The following SPATA22 variants were observed in gnomAD, a reference collection of about 807,000 sequenced individuals.
SPATA22 encodes the protein spermatogenesis associated 22, also known as spermatogenesis-associated protein 22.
A neutral mutation model predicts 47.8 loss-of-function variants in SPATA22; 29 were observed. That is an observed-to-expected ratio of 0.61 (90% confidence interval 0.45 to 0.83). The LOEUF is 0.83. SPATA22 is among the 40% of genes least tolerant of loss of function. The pLI is 0.00. For synonymous variants in SPATA22, 133 were observed against 140.9 expected, an observed-to-expected ratio of 0.94 and a Z score of 0.40; for missense variants, 410 against 421.7, an observed-to-expected ratio of 0.97 and a Z score of 0.24.
In SPATA22 at chr17:3,467,734, T is replaced by C. The variant is rs567376695; in HGVS notation, c.44-180A>G. On this transcript the variant is annotated intron_variant, in intron 2 of 8. Coordinates refer to ENST00000572969, the MANE Select transcript of SPATA22 (RefSeq NM_001170698.2). The stretch of plus-strand genomic sequence containing the variant: ...CTTTTTAAGATCCTGAATAGCCTAA[T>C]TTGTTTCTTCAAAAAACTTTTCTTA... Among the ~76,000 whole-genome samples the C allele has an allele frequency of 3.7e-4, 57 of 152,374 alleles. 2 individuals are homozygous for C. The South Asian group carries it at 0.012, about 32-fold the overall frequency.
At chr17:3,470,908 A>G (rs2073417475) in intron 1 of SPATA22, among the ~76,000 whole-genome samples, 1 of 152,142 alleles carries the variant, frequency 6.6e-6, no homozygotes, top group Non-Finnish European at 1.5e-5. Flanking sequence ...TGATCCCAGC[A>G]CTTCGGGAGG....
exon 1 of SPATA22, chr17:3,513,812 A>G: frequency 1.0e-6 from 1 of 965,344 alleles, no homozygotes; most frequent in East Asian, 2.4e-5. Context: ...CTTCTAGGCC[A>G]GCAGAGCCGG....
intron 1 of SPATA22, among the ~76,000 whole-genome samples, chr17:3,491,720 C>A (rs555374514): frequency 6.0e-4 from 91 of 151,986 alleles, no homozygotes; most frequent in African/African-American, 2.1e-3. Context: ...TGCACTCCAG[C>A]CTCGGTGACA....
rs867074863 is a variant in SPATA22, at chr17:3,464,912, G to A, written c.173-2145C>T. On this transcript the variant is annotated intron_variant, in intron 3 of 8. Coordinates refer to ENST00000572969, the MANE Select transcript of SPATA22 (RefSeq NM_001170698.2). The stretch of plus-strand genomic sequence containing the variant: ...GTGGGGGGGGGTCAGCCCCCCACCC[G>A]GCCAGCCGCCCGGTCTGGGAGGTGA... Among the ~76,000 whole-genome samples, 28 of 92,744 alleles carry A rather than the reference G, an allele frequency of 3.0e-4. 1 individual carries two copies. The highest frequency in any genetic ancestry group is 9.1e-4 in the African/African-American group (28 of 30,698). The allele number at this position is 92,744 out of a possible 152,430, so 60.8% of individuals were successfully genotyped here.
intron 5 of SPATA22, among the ~76,000 whole-genome samples, chr17:3,454,195 A>G (rs1386983388): frequency 2.6e-5 from 4 of 151,298 alleles, no homozygotes; most frequent in African/African-American, 9.7e-5. Flanking sequence ...ACTAAAAAAT[A>G]TAAAACAGAT....
At chr17:3,465,789 T>TAA (rs372510663) in intron 3 of SPATA22, among the ~76,000 whole-genome samples, 3 of 105,900 alleles carry the variant, frequency 2.8e-5, no homozygotes, top group Admixed American at 1.7e-4. Flanking sequence ...AAATAAAAAT[T>TAA]TAAAAAACAA....
In SPATA22 at chr17:3,440,107, A is replaced by T; in HGVS notation, c.*40T>A. On this transcript the variant is annotated 3_prime_UTR_variant, in exon 9 of 9. Transcript: ENST00000572969. ...AGATGGTAAATTAAGCAATAACAGA[A>T]AACTGCTATAATTTATGCTAAACTT... is the stretch of plus-strand genomic sequence containing the variant. 1 of 1,332,758 alleles carries T rather than the reference A, an allele frequency of 7.5e-7. No homozygotes were observed. Among genetic ancestry groups the T allele is most frequent in the Non-Finnish European group, 1.0e-6 (1 of 994,892 alleles). The allele number at this position is 1,332,758 out of a possible 1,614,324, so 82.6% of individuals were successfully genotyped here. A position where few individuals can be genotyped will look rare whatever the true frequency, so the allele number is the denominator to read the frequency against.
At chr17:3,498,946 G>A (rs1018213095) in intron 1 of SPATA22, 4 of 1,612,270 alleles carry the variant, frequency 2.5e-6, no homozygotes, top group Non-Finnish European at 3.4e-6. Context: ...ACTCTTGATG[G>A]GAAGACGATC....
At chr17:3,441,032 T>A (rs1456860834) in intron 8 of SPATA22, 1 of 152,052 alleles carries the variant, frequency 6.6e-6, no homozygotes, top group Non-Finnish European at 1.5e-5. Flanking sequence ...GTGTGATGCC[T>A]TTAGAGACAA....
chr17:3,462,708 C>T lies in SPATA22; in HGVS notation c.232G>A (p.Gly78Arg), dbSNP rs201372265. The T allele has an allele frequency of 5.8e-5, 94 of 1,611,474 alleles. No individual in the cohort carries two copies. Among genetic ancestry groups the T allele is most frequent in the South Asian group, 2.5e-4 (23 of 91,016 alleles). Residue 78 changes from glycine to arginine, a missense_variant and splice_region_variant, in exon 4 of 9, where the codon GGG (glycine) becomes AGG (arginine). Coordinates refer to ENST00000572969, the MANE Select transcript of SPATA22 (RefSeq NM_001170698.2). Reference sequence around the variant, plus strand: ...AATGGTTTATATTTCTCCACATACCCGGTGTCCACTGTTTTCATTACAGGA... The same window carrying T: ...AATGGTTTATATTTCTCCACATACCTGGTGTCCACTGTTTTCATTACAGGA... ...LAPVMKTVDTGQIPHSVSRPL... is the reference protein window; with the variant it reads ...LAPVMKTVDTRQIPHSVSRPL...
At chr17:3,463,585 G>C (rs1053165552) in intron 3 of SPATA22, among the ~76,000 whole-genome samples, 8 of 152,118 alleles carry the variant, frequency 5.3e-5, no homozygotes, top group African/African-American at 1.9e-4. Context: ...TAAGTGGTGA[G>C]TGAATACGAA....
At position 3,471,728 on chromosome 17, in the gene SPATA22, G is replaced by T; in HGVS notation, c.-120C>A. ...CCTGCCAACACGACACACAACTTTCGCCCTCAGTTTCCCTCGCCTCCGTCA... is the reference window on the plus strand; with the variant it reads ...CCTGCCAACACGACACACAACTTTCTCCCTCAGTTTCCCTCGCCTCCGTCA... On this transcript the variant is annotated 5_prime_UTR_variant, in exon 1 of 9. Transcript: ENST00000572969. The T allele has an allele frequency of 1.0e-6, 1 of 985,468 alleles. No homozygotes were observed. Among genetic ancestry groups the T allele is most frequent in the Non-Finnish European group, 1.2e-6 (1 of 829,992 alleles). 61.0% of individuals were successfully genotyped at this position (985,468 alleles called of 1,614,324 possible).
At chr17:3,442,379 A>G (rs1370247991) in intron 8 of SPATA22, among the ~76,000 whole-genome samples, 5 of 152,018 alleles carry the variant, frequency 3.3e-5, no homozygotes. Context: ...AAGTCATAAA[A>G]CTAGAAAATG....
chr17:3,500,235 T>C (rs2073973716), intron 1 of SPATA22: 1 of 152,248 alleles, frequency 6.6e-6, no homozygotes, highest in South Asian at 2.1e-4. Flanking sequence ...AGCAAGTTGC[T>C]GATGTGGAAG....
At chr17:3,505,753 T>G (rs113154208) in intron 1 of SPATA22, among the ~76,000 whole-genome samples, 177 of 21,426 alleles carry the variant, frequency 8.3e-3, no homozygotes, top group Admixed American at 0.025. Context: ...TTTGTTGTTT[T>G]TTGTTTTTTT....
intron 1 of SPATA22, among the ~76,000 whole-genome samples, chr17:3,484,599 C>G (rs747026814): frequency 1.3e-5 from 2 of 152,140 alleles, no homozygotes; most frequent in African/African-American, 2.4e-5. Context: ...TGATGAAAGG[C>G]CATTGCTGAT....
chr17:3,513,627 C>G, exon 1 of SPATA22: 1 of 320,004 alleles, frequency 3.1e-6, no homozygotes, highest in Non-Finnish European at 5.7e-6. Context: ...TTGGTAAAAC[C>G]AGAGGCTTCA....
intron 5 of SPATA22, among the ~76,000 whole-genome samples, chr17:3,461,228 C>T (rs1328811638): frequency 1.3e-5 from 2 of 152,098 alleles, no homozygotes; most frequent in African/African-American, 4.8e-5. Context: ...TTTAACTGGG[C>T]ATCCTTTATT....
At chr17:3,463,886 C>A (rs1327152426) in intron 3 of SPATA22, among the ~76,000 whole-genome samples, 2 of 149,980 alleles carry the variant, frequency 1.3e-5, no homozygotes, top group Non-Finnish European at 3.0e-5. Context: ...TGGATCAAGA[C>A]AAACATTTTA....
Sources: allele counts gnomAD v4.1 joint callset (sites outside exome capture counted in the v4.1 genomes callset), GRCh38; gene constraint gnomAD v4.1.1; transcripts MANE v1.5; gene names NCBI Gene and HGNC (gene_info 2026-07-23, HGNC 2026-07-21).